The following DMD variants were observed in gnomAD, a reference collection of about 807,000 sequenced individuals.
DMD encodes mutant dystrophin.
Under a neutral mutation model 330.1 loss-of-function variants are expected in DMD, and 63 were observed. That is an observed-to-expected ratio of 0.19 (90% CI 0.16 to 0.24). The LOEUF (loss-of-function observed/expected upper bound fraction) is 0.24. DMD is among the 10% of genes least tolerant of loss of function. DMD has a pLI of 1.00. For synonymous variants in DMD, 1,223 were observed against 959.8 expected, an observed-to-expected ratio of 1.27 and a Z score of -5.07; for missense variants, 3,344 against 2,684.1, an observed-to-expected ratio of 1.25 and a Z score of -5.43.
At chrX:31,556,558 A>C (rs1401820205) in intron 55 of DMD, among the ~76,000 whole-genome samples, 1 of 108,855 alleles carries the variant, frequency 9.2e-6, no homozygotes, top group Admixed American at 9.8e-5. Flanking sequence ...TTGACTTCTG[A>C]AATGATTTGT....
At chrX:31,479,237 T>C in intron 57 of DMD, 134 bp from the exon 58 acceptor site, 1 of 743,034 alleles carries the variant, frequency 1.3e-6, no homozygotes, top group Non-Finnish European at 2.0e-6. Context: ...CTGATGGTTA[T>C]AAAATGATTT....
intron 44 of DMD, among the ~76,000 whole-genome samples, chrX:32,057,340 A>G (rs2096184795): frequency 9.0e-6 from 1 of 111,487 alleles, no homozygotes; most frequent in Admixed American, 9.6e-5. Flanking sequence ...ATCTGTTTGC[A>G]AATTAGATGA....
chrX:33,088,384 C>T (rs768293781), intron 1 of DMD, among the ~76,000 whole-genome samples: 2 of 112,021 alleles, frequency 1.8e-5, no homozygotes, highest in South Asian at 7.4e-4. Context: ...ATGGGATCTG[C>T]CTTACTGTGA....
chrX:31,198,915 G>A (rs990602534), intron 67 of DMD, among the ~76,000 whole-genome samples: 1 of 111,916 alleles, frequency 8.9e-6, no homozygotes, highest in Non-Finnish European at 1.9e-5. Context: ...TGGGGGAGGG[G>A]TGTTTATTTA....
intron 2 of DMD, among the ~76,000 whole-genome samples, chrX:32,892,403 G>A (rs1352707846): frequency 9.0e-6 from 1 of 111,295 alleles, no homozygotes; most frequent in Non-Finnish European, 1.9e-5. Flanking sequence ...TTTGTTTTTT[G>A]TTTCTTTGAG....
At chrX:31,436,555 T>C (rs1354028423) in intron 60 of DMD, among the ~76,000 whole-genome samples, 1 of 111,498 alleles carries the variant, frequency 9.0e-6, no homozygotes, top group Non-Finnish European at 1.9e-5. Context: ...ATTTGGGCCA[T>C]ATTAGTTTCA....
At chrX:32,666,199 T>G (rs1453037480) in intron 9 of DMD, among the ~76,000 whole-genome samples, 1 of 111,203 alleles carries the variant, frequency 9.0e-6, no homozygotes, top group African/African-American at 3.3e-5. Context: ...TGTCTTTTTT[T>G]ATTATTATAC....
At chrX:32,820,041 G>A (rs1455591888) in intron 5 of DMD, among the ~76,000 whole-genome samples, 6 of 110,965 alleles carry the variant, frequency 5.4e-5, no homozygotes, top group African/African-American at 2.0e-4. Context: ...TGATTCAAGG[G>A]CATAAATGAA....
intron 13 of DMD, among the ~76,000 whole-genome samples, chrX:32,580,169 T>C (rs1252901717): frequency 9.0e-6 from 1 of 111,187 alleles, no homozygotes; most frequent in Non-Finnish European, 1.9e-5. Context: ...AGGCATTCCT[T>C]GGTAGCTTGA....
chrX:32,062,303 A>G (rs1355649123), intron 44 of DMD, among the ~76,000 whole-genome samples: 2 of 111,552 alleles, frequency 1.8e-5, no homozygotes, highest in Non-Finnish European at 3.8e-5. Flanking sequence ...GAAGAAAACA[A>G]GTAGATGAGG....
chrX:31,445,764 T>C (rs912000888), intron 59 of DMD, among the ~76,000 whole-genome samples: 1 of 111,376 alleles, frequency 9.0e-6, no homozygotes, highest in Non-Finnish European at 1.9e-5. Context: ...TAGCAATCCG[T>C]TGAGCAGAAG....
At chrX:32,186,848 G>T (rs182633238) in intron 44 of DMD, among the ~76,000 whole-genome samples, 1 of 110,750 alleles carries the variant, frequency 9.0e-6, no homozygotes, top group Non-Finnish European at 1.9e-5. Context: ...AGGTGGGGAA[G>T]AGAGTAAAGA....
intron 55 of DMD, among the ~76,000 whole-genome samples, chrX:31,551,180 G>GAAAAAAAAAAAAA (rs202051079): frequency 1.5e-5 from 1 of 67,368 alleles, no homozygotes; most frequent in Non-Finnish European, 2.6e-5. Context: ...CTCCATCTCG[G>GAAAAAAAAAAAAA]GAAAAAAAAA....
Position 32,696,393 on chromosome X carries a change from G to A in DMD, c.960+1477C>T, listed in dbSNP as rs368683679. On this transcript the variant is annotated intron_variant, in intron 9 of 78. Transcript: ENST00000357033. ...TCCCCCATCTCTTGTGATTTGTGCT[G>A]TGTCTTTTTTAAATGATAAACATTA... Among the ~76,000 whole-genome samples the A allele has an allele frequency of 3.7e-4, 42 of 112,153 alleles. No homozygotes were observed. In the East Asian group the frequency reaches 0.011, roughly 28 times the overall value.
At chrX:32,965,481 G>A (rs1422055586) in intron 2 of DMD, among the ~76,000 whole-genome samples, 2 of 87,807 alleles carry the variant, frequency 2.3e-5, no homozygotes, top group Non-Finnish European at 4.3e-5. Context: ...GTGACAGAGC[G>A]AGACTCTGTC....
chrX:31,180,113 C>CA (rs1354300905), intron 69 of DMD, among the ~76,000 whole-genome samples: 1 of 111,268 alleles, frequency 9.0e-6, no homozygotes, highest in African/African-American at 3.3e-5. Flanking sequence ...TCAATACAAC[C>CA]ATGCACACAG....
intron 60 of DMD, among the ~76,000 whole-genome samples, chrX:31,419,264 G>C (rs1370696455): frequency 9.6e-6 from 1 of 103,874 alleles, no homozygotes; most frequent in African/African-American, 3.5e-5. Flanking sequence ...TGTTAAGGCA[G>C]GCATGTGCTA....
At chrX:31,554,997 G>A (rs1055289780) in intron 55 of DMD, among the ~76,000 whole-genome samples, 2 of 111,784 alleles carry the variant, frequency 1.8e-5, no homozygotes, top group African/African-American at 6.5e-5. Context: ...ATTGTTCCTA[G>A]GAGAGGGAGC....
intron 63 of DMD, among the ~76,000 whole-genome samples, chrX:31,231,562 C>T (rs1388901773): frequency 8.9e-6 from 1 of 111,984 alleles, no homozygotes; most frequent in Non-Finnish European, 1.9e-5. Flanking sequence ...TGCAGTGTAG[C>T]GAAGGAGATG....
Sources: allele counts gnomAD v4.1 joint callset (sites outside exome capture counted in the v4.1 genomes callset), GRCh38; gene constraint gnomAD v4.1.1; transcripts MANE v1.5; gene names NCBI Gene and HGNC (gene_info 2026-07-23, HGNC 2026-07-21).